Variants in PLEKHM3 observed in about 807,000 individuals in gnomAD.
PLEKHM3 encodes pleckstrin homology domain containing M3, also known as pleckstrin homology domain-containing family M member 3.
A neutral mutation model predicts 81.8 loss-of-function variants in PLEKHM3; 45 were observed. The observed-to-expected ratio is 0.55, with a 90% CI of 0.43 to 0.71. PLEKHM3 has a LOEUF of 0.71. Ranked by LOEUF, PLEKHM3 falls within the 30% of genes least tolerant of loss-of-function variation. The pLI, the probability that PLEKHM3 is intolerant of heterozygous loss-of-function variation, is 0.00. For missense variants in PLEKHM3, 788 were observed against 924.3 expected (o/e 0.85, Z 1.91); for synonymous variants, 352 against 356.4 (o/e 0.99, Z 0.14).
At chr2:207,920,061 A>G (rs1689130156) in intron 5 of PLEKHM3, among the ~76,000 whole-genome samples, 3 of 152,224 alleles carry the variant, frequency 2.0e-5, no homozygotes, top group African/African-American at 7.2e-5. Flanking sequence ...GGTAAAACTG[A>G]TATTTCAGTG....
chr2:207,881,467 T>C (rs931866488), intron 6 of PLEKHM3, among the ~76,000 whole-genome samples: 1 of 152,210 alleles, frequency 6.6e-6, no homozygotes, highest in Non-Finnish European at 1.5e-5. Context: ...TCCTGTTTTA[T>C]AGATGAGGAT....
In PLEKHM3 at chr2:207,822,139, A is replaced by C. The variant is rs1286383379; in HGVS notation, c.*6180T>G. 1 of 152,196 alleles carries C rather than the reference A, an allele frequency of 6.6e-6. No individual in the cohort carries two copies. Among genetic ancestry groups the C allele is most frequent in the Non-Finnish European group, 1.5e-5 (1 of 68,052 alleles). The allele number at this position is 152,196 out of a possible 1,614,324, so 9.4% of individuals were successfully genotyped here. ...ACAGTAAGATTCTGATAGGTGACCAAAGCTAGAACCTAGGCCTCCAGCAGC... is the reference window on the plus strand; with the variant it reads ...ACAGTAAGATTCTGATAGGTGACCACAGCTAGAACCTAGGCCTCCAGCAGC... On this transcript the variant is annotated 3_prime_UTR_variant, in exon 8 of 8. Transcript: ENST00000427836.
At chr2:207,860,775 T>C (rs1277391278) in intron 7 of PLEKHM3, among the ~76,000 whole-genome samples, 1 of 152,170 alleles carries the variant, frequency 6.6e-6, no homozygotes, top group Non-Finnish European at 1.5e-5. Flanking sequence ...CCATTGCCTA[T>C]CATTTGGCTC....
chr2:207,864,471 A>G (rs114389533), intron 6 of PLEKHM3, among the ~76,000 whole-genome samples: 324 of 152,294 alleles, frequency 2.1e-3, no homozygotes, highest in African/African-American at 7.4e-3. Context: ...AAACAACCAA[A>G]CTTAATGAGG....
In PLEKHM3 at chr2:208,001,344, C is replaced by T. The variant is rs1186588806; in HGVS notation, c.296G>A (p.Arg99Lys). 37 of 1,614,098 alleles carry T rather than the reference C, an allele frequency of 2.3e-5. No homozygotes were observed. The highest frequency in any genetic ancestry group is 3.1e-5 in the Non-Finnish European group (37 of 1,180,042). ...FPAKEQFMVQ[R>K]GTTPDNLSWM... Reference sequence around the variant, plus strand: ...GGAAAGATTATCTGGGGTTGTCCCTCTCTGGACCATAAACTGTTCTTTGGC... The same window carrying T: ...GGAAAGATTATCTGGGGTTGTCCCTTTCTGGACCATAAACTGTTCTTTGGC... Residue 99 changes from arginine (R) to lysine (K), a missense_variant, in exon 2 of 8, where the codon AGA becomes AAA. By Grantham distance (26) the Arg-to-Lys change is conservative. Transcript: ENST00000427836.
At chr2:207,981,474 T>G (rs1691521071) in intron 2 of PLEKHM3, among the ~76,000 whole-genome samples, 1 of 152,106 alleles carries the variant, frequency 6.6e-6, no homozygotes, top group Non-Finnish European at 1.5e-5. Context: ...GCCTCCTAAG[T>G]AGCTGGGAGT....
At chr2:208,019,797 C>T (rs1693062040) in intron 1 of PLEKHM3, 1 of 152,214 alleles carries the variant, frequency 6.6e-6, no homozygotes, top group African/African-American at 2.4e-5. Flanking sequence ...AGACTGTAAG[C>T]TTCATGAAGG....
intron 7 of PLEKHM3, among the ~76,000 whole-genome samples, chr2:207,828,974 T>C (rs761872464): frequency 1.6e-4 from 24 of 152,188 alleles, no homozygotes; most frequent in Admixed American, 1.2e-3. Flanking sequence ...CTGCCTTTAT[T>C]TGACAGTTTG....
At chr2:207,940,675 C>T (rs1334545115) in intron 4 of PLEKHM3, among the ~76,000 whole-genome samples, 5 of 152,182 alleles carry the variant, frequency 3.3e-5, no homozygotes. Flanking sequence ...TTAATAAGTG[C>T]AATCCTCAAG....
intron 3 of PLEKHM3, among the ~76,000 whole-genome samples, chr2:207,949,130 G>A (rs564972940): frequency 2.7e-4 from 41 of 152,272 alleles, no homozygotes; most frequent in African/African-American, 8.2e-4. Context: ...TTAATTTTCC[G>A]TAGTGATTCC....
chr2:207,821,957 G>C lies in PLEKHM3; in HGVS notation c.*6362C>G, dbSNP rs1289808443. The C allele has an allele frequency of 6.6e-6, 1 of 152,088 alleles. No individual in the cohort carries two copies. Among genetic ancestry groups the C allele is most frequent in the East Asian group, 1.9e-4 (1 of 5,182 alleles). 9.4% of individuals were successfully genotyped at this position (152,088 alleles called of 1,614,324 possible). ...TTTAAAATATATATCTTCTAGGGTA[G>C]GCTAGTAGCTATTCACAGTAAGATT... is the stretch of plus-strand genomic sequence containing the variant. On this transcript the variant is annotated 3_prime_UTR_variant, in exon 8 of 8. Transcript: ENST00000427836.
intron 6 of PLEKHM3, among the ~76,000 whole-genome samples, chr2:207,876,619 A>G (rs1003019007): frequency 2.0e-5 from 3 of 152,228 alleles, no homozygotes; most frequent in Admixed American, 2.0e-4. Context: ...CATATCTAAT[A>G]CCAGGCGATT....
intron 3 of PLEKHM3, among the ~76,000 whole-genome samples, chr2:207,973,415 C>G (rs1206779707): frequency 6.6e-6 from 1 of 152,168 alleles, no homozygotes; most frequent in African/African-American, 2.4e-5. Flanking sequence ...TACAGGAGAT[C>G]AGGAAATAAA....
chr2:207,871,354 T>C (rs1165764037), intron 6 of PLEKHM3, among the ~76,000 whole-genome samples: 3 of 152,278 alleles, frequency 2.0e-5, no homozygotes, highest in Admixed American at 6.5e-5. Flanking sequence ...TGAGGGTGGA[T>C]TGTGATGCCA....
Position 207,943,792 on chromosome 2 carries a change from C to G in PLEKHM3, c.1692+2575G>C, listed in dbSNP as rs868230229. Among the ~76,000 whole-genome samples the G allele has an allele frequency of 4.2e-3, 601 of 144,742 alleles. 5 individuals are homozygous for G. The highest frequency in any genetic ancestry group is 0.015 in the African/African-American group (571 of 38,468). The allele number at this position is 144,742 out of a possible 152,430, so 95.0% of individuals were successfully genotyped here. On this transcript the variant is annotated intron_variant, in intron 4 of 7. Coordinates refer to ENST00000427836, the MANE Select transcript of PLEKHM3 (RefSeq NM_001080475.3). ...CTGAGGCAGGAGAATGGCGTGAACCCGGGAGGCGCAGCTTGCAGTGAGCCG... is the reference window on the plus strand; with the variant it reads ...CTGAGGCAGGAGAATGGCGTGAACCGGGGAGGCGCAGCTTGCAGTGAGCCG...
chr2:207,912,027 T>C (rs1688824896), intron 5 of PLEKHM3, among the ~76,000 whole-genome samples: 1 of 152,208 alleles, frequency 6.6e-6, no homozygotes, highest in South Asian at 2.1e-4. Flanking sequence ...CTATAACCAG[T>C]CAGTTATCAC....
intron 2 of PLEKHM3, among the ~76,000 whole-genome samples, chr2:207,980,390 T>C (rs1398693773): frequency 1.3e-5 from 2 of 152,120 alleles, no homozygotes; most frequent in Admixed American, 1.3e-4. Flanking sequence ...CAAGGTTCCC[T>C]CACCTTCTAG....
intron 2 of PLEKHM3, among the ~76,000 whole-genome samples, chr2:207,994,397 T>C (rs1459247096): frequency 6.6e-6 from 1 of 152,190 alleles, no homozygotes. Context: ...CAAGAACAGA[T>C]GACAGTGATG....
intron 5 of PLEKHM3, among the ~76,000 whole-genome samples, chr2:207,923,778 G>T (rs1000475242): frequency 1.4e-4 from 21 of 146,580 alleles, no homozygotes; most frequent in Non-Finnish European, 3.0e-4. Context: ...GAAAATAAGG[G>T]AATAATGTCA....
Sources: allele counts gnomAD v4.1 joint callset (sites outside exome capture counted in the v4.1 genomes callset), GRCh38; gene constraint gnomAD v4.1.1; transcripts MANE v1.5; gene names NCBI Gene and HGNC (gene_info 2026-07-23, HGNC 2026-07-21).